Variants in PUDP observed in about 807,000 individuals in gnomAD.
The protein encoded by PUDP is pseudouridine-5'-phosphatase.
A neutral mutation model predicts 9.4 loss-of-function variants in PUDP; 8 were observed. That is an observed-to-expected ratio of 0.85 (90% confidence interval 0.50 to 1.53). PUDP has a LOEUF of 1.53. Among genes scored for constraint, PUDP ranks in the 40% most tolerant of loss-of-function variants. The pLI, the probability that PUDP is intolerant of heterozygous loss-of-function variation, is 0.00. For synonymous variants in PUDP, 99 were observed against 80.7 expected (o/e 1.23, Z -1.22); for missense variants, 188 against 189.7 (o/e 0.99, Z 0.05).
chrX:6,861,118 T>C (rs1395860782), intron 3 of PUDP, among the ~76,000 whole-genome samples: 1 of 111,972 alleles, frequency 8.9e-6, no homozygotes, highest in Non-Finnish European at 1.9e-5. Flanking sequence ...ATATTGACTT[T>C]AGAAGGATCT....
intron 1 of PUDP, among the ~76,000 whole-genome samples, chrX:6,988,645 CCTTAT>C (rs1206243336): frequency 3.6e-5 from 4 of 111,324 alleles, no homozygotes; most frequent in African/African-American, 1.3e-4. Flanking sequence ...GGGTAATTAC[CCTTAT>C]CTTATCTCCT....
chrX:6,997,706 G>A (rs973209179), intron 1 of PUDP, among the ~76,000 whole-genome samples: 5 of 112,129 alleles, frequency 4.5e-5, no homozygotes, highest in African/African-American at 1.6e-4. Context: ...GTGTTGGGCA[G>A]TGTCAAATGC....
At chrX:6,776,546 A>G (rs1050794086) in intron 3 of PUDP, among the ~76,000 whole-genome samples, 16 of 110,712 alleles carry the variant, frequency 1.4e-4, no homozygotes, top group Non-Finnish European at 2.8e-4. Context: ...ACAAACAAAC[A>G]AACAAAGCCA....
At chrX:6,996,959 G>T (rs186032409) in intron 1 of PUDP, among the ~76,000 whole-genome samples, 36 of 110,323 alleles carry the variant, frequency 3.3e-4, no homozygotes, top group Admixed American at 2.1e-3. Context: ...ATGAGCCACC[G>T]CACAAGGCCC....
intron 3 of PUDP, among the ~76,000 whole-genome samples, chrX:6,962,609 G>A (rs73629017): frequency 0.032 from 3,554 of 112,199 alleles, 139 homozygotes; most frequent in African/African-American, 0.11. Flanking sequence ...ATAAAATTCA[G>A]TTAGTAGAAA....
At chrX:7,029,490 G>A (rs1244109095) in intron 1 of PUDP, among the ~76,000 whole-genome samples, 1 of 112,591 alleles carries the variant, frequency 8.9e-6, no homozygotes, top group Non-Finnish European at 1.9e-5. Context: ...GGGAGGAATC[G>A]AACATATCAA....
chrX:6,807,815 A>C (rs1465133135), intron 3 of PUDP, among the ~76,000 whole-genome samples: 1 of 111,791 alleles, frequency 8.9e-6, no homozygotes, highest in Admixed American at 9.5e-5. Context: ...TCAGAATGAT[A>C]CTCCAGTTGG....
chrX:6,782,573 A>G (rs1227738281), intron 3 of PUDP, among the ~76,000 whole-genome samples: 1 of 110,506 alleles, frequency 9.0e-6, no homozygotes, highest in Non-Finnish European at 1.9e-5. Flanking sequence ...CCATCTCAAA[A>G]TAAAATAATA....
intron 1 of PUDP, among the ~76,000 whole-genome samples, chrX:7,114,852 A>G (rs142779058): frequency 8.9e-6 from 1 of 112,727 alleles, no homozygotes; most frequent in Non-Finnish European, 1.9e-5. Flanking sequence ...ATCTATGATG[A>G]TATTCATCCC....
chrX:6,727,936 T>C (rs1463020368), intron 3 of PUDP, among the ~76,000 whole-genome samples: 2 of 111,690 alleles, frequency 1.8e-5, no homozygotes, highest in African/African-American at 3.3e-5. Context: ...TTGAGGTTTA[T>C]TAGGAGGTTT....
At chrX:6,916,250 C>CACACACACA in intron 3 of PUDP, among the ~76,000 whole-genome samples, 1 of 77,612 alleles carries the variant, frequency 1.3e-5, no homozygotes, top group Non-Finnish European at 2.5e-5. Context: ...ACACACACAC[C>CACACACACA]CTGGGGAACT....
intron 3 of PUDP, among the ~76,000 whole-genome samples, chrX:6,812,544 T>G: frequency 8.9e-6 from 1 of 111,854 alleles, no homozygotes; most frequent in Non-Finnish European, 1.9e-5. Flanking sequence ...AATAAGAAAG[T>G]TTGAAGAGAC....
chrX:7,144,227 C>G (rs748157152), intron 1 of PUDP, among the ~76,000 whole-genome samples: 4 of 111,951 alleles, frequency 3.6e-5, no homozygotes, highest in Admixed American at 9.5e-5. Context: ...TAGTAAGAAC[C>G]GACTGAGGCT....
intron 3 of PUDP, among the ~76,000 whole-genome samples, chrX:6,767,820 G>A (rs749152195): frequency 8.8e-4 from 99 of 112,059 alleles, no homozygotes; most frequent in African/African-American, 3.1e-3. Context: ...TTCTTTGTCA[G>A]CAATTAACCT....
chrX:7,030,080 T>TA (rs1299975675), intron 1 of PUDP, among the ~76,000 whole-genome samples: 1 of 98,593 alleles, frequency 1.0e-5, no homozygotes, highest in African/African-American at 3.8e-5. Context: ...GTGTATTTTT[T>TA]AAAAATCATT....
chrX:7,043,957 C>G (rs1006215449), downstream of PUDP, among the ~76,000 whole-genome samples: 1 of 112,313 alleles, frequency 8.9e-6, no homozygotes, highest in Non-Finnish European at 1.9e-5. Flanking sequence ...CTTTTAGGAA[C>G]CTGCACTGTG....
chrX:6,788,904 G>A (rs1049203473), intron 3 of PUDP, among the ~76,000 whole-genome samples: 3 of 112,045 alleles, frequency 2.7e-5, no homozygotes, highest in African/African-American at 9.7e-5. Context: ...CTCGACAAAC[G>A]CTCAGGGAAA....
intron 3 of PUDP, among the ~76,000 whole-genome samples, chrX:6,889,199 G>A (rs1285973090): frequency 1.8e-5 from 2 of 112,146 alleles, no homozygotes; most frequent in African/African-American, 6.5e-5. Context: ...ACTACTTGCT[G>A]GGTTTTTTTC....
At chrX:7,014,670 C>T (rs1261011095) in intron 1 of PUDP, among the ~76,000 whole-genome samples, 3 of 111,714 alleles carry the variant, frequency 2.7e-5, no homozygotes, top group African/African-American at 9.8e-5. Flanking sequence ...GCTAGAAATA[C>T]AAAGATGAGT....
Sources: allele counts gnomAD v4.1 joint callset (sites outside exome capture counted in the v4.1 genomes callset), GRCh38; gene constraint gnomAD v4.1.1; transcripts MANE v1.5; gene names NCBI Gene and HGNC (gene_info 2026-07-23, HGNC 2026-07-21).